The following CRIM1 variants were observed in gnomAD, a reference collection of about 807,000 sequenced individuals.
CRIM1 encodes cysteine rich transmembrane BMP regulator 1.
A neutral mutation model predicts 116.4 loss-of-function variants in CRIM1; 32 were observed. The ratio of observed to expected loss-of-function variants is 0.27; its 90% confidence interval spans 0.21 to 0.37. The LOEUF (loss-of-function observed/expected upper bound fraction) is 0.37. Ranked by LOEUF, CRIM1 falls within the 10% of genes least tolerant of loss-of-function variation. CRIM1 has a pLI of 1.00. For synonymous variants in CRIM1, 590 were observed against 509.2 expected, an observed-to-expected ratio of 1.16 and a Z score of -2.13; for missense variants, 1,331 against 1,354.8, an observed-to-expected ratio of 0.98 and a Z score of 0.28.
intron 13 of CRIM1, among the ~76,000 whole-genome samples, chr2:36,529,902 T>C (rs1302065543): frequency 1.3e-5 from 2 of 152,202 alleles, no homozygotes; most frequent in Non-Finnish European, 2.9e-5. Flanking sequence ...AATGGAATTC[T>C]AAGAAAAGCC....
intron 4 of CRIM1, among the ~76,000 whole-genome samples, chr2:36,450,028 T>G (rs1322330738): frequency 6.6e-6 from 1 of 152,218 alleles, no homozygotes; most frequent in African/African-American, 2.4e-5. Flanking sequence ...TAGTTGACTA[T>G]TGTTAGTTAA....
chr2:36,369,407 C>G (rs555067278), intron 1 of CRIM1, among the ~76,000 whole-genome samples: 91 of 152,330 alleles, frequency 6.0e-4, no homozygotes, highest in African/African-American at 2.1e-3. Context: ...CCTCCATGTT[C>G]TTTCCAGCAA....
chr2:36,530,776 C>T (rs1666058619), intron 13 of CRIM1, among the ~76,000 whole-genome samples: 1 of 152,090 alleles, frequency 6.6e-6, no homozygotes, highest in African/African-American at 2.4e-5. Flanking sequence ...TCTGTAAATC[C>T]CTCAAACCTC....
chr2:36,460,235 C>T (rs1339532774), intron 4 of CRIM1, among the ~76,000 whole-genome samples: 1 of 152,160 alleles, frequency 6.6e-6, no homozygotes, highest in Admixed American at 6.5e-5. Context: ...CTTTATTTTT[C>T]TGGTTACTTG....
chr2:36,362,311 G>GA, intron 1 of CRIM1, among the ~76,000 whole-genome samples: 2 of 152,310 alleles, frequency 1.3e-5, no homozygotes, highest in East Asian at 3.9e-4. Context: ...TGGCAAAGCA[G>GA]AAAGGGGAAT....
intron 11 of CRIM1, among the ~76,000 whole-genome samples, chr2:36,515,367 G>A (rs1005015584): frequency 6.6e-6 from 1 of 152,210 alleles, no homozygotes; most frequent in African/African-American, 2.4e-5. Context: ...ATACCTTACT[G>A]TGGGTGTGTC....
intron 14 of CRIM1, among the ~76,000 whole-genome samples, chr2:36,538,744 A>G (rs957136989): frequency 6.6e-6 from 1 of 152,178 alleles, no homozygotes; most frequent in Non-Finnish European, 1.5e-5. Flanking sequence ...GGTTCTCTTT[A>G]TAGTTTTCCA....
chr2:36,545,824 G>A (rs1277676066), intron 15 of CRIM1, among the ~76,000 whole-genome samples: 3 of 151,938 alleles, frequency 2.0e-5, no homozygotes, highest in African/African-American at 7.3e-5. Flanking sequence ...TTGGAATATG[G>A]GAAAGTAAAA....
chr2:36,467,603 A>T (rs1389037259), intron 5 of CRIM1, among the ~76,000 whole-genome samples: 2 of 152,202 alleles, frequency 1.3e-5, no homozygotes, highest in African/African-American at 4.8e-5. Context: ...TACAGTGAGA[A>T]CAGATTCTAT....
intron 1 of CRIM1, among the ~76,000 whole-genome samples, chr2:36,393,648 C>T (rs1207914694): frequency 6.6e-6 from 1 of 152,156 alleles, no homozygotes; most frequent in African/African-American, 2.4e-5. Flanking sequence ...GCTTATTCTC[C>T]TGGGGCAGGT....
intron 13 of CRIM1, among the ~76,000 whole-genome samples, chr2:36,537,012 G>A (rs1390089824): frequency 6.6e-6 from 1 of 152,096 alleles, no homozygotes; most frequent in East Asian, 1.9e-4. Flanking sequence ...TTACAAAACA[G>A]GAACTTCTTG....
intron 5 of CRIM1, among the ~76,000 whole-genome samples, chr2:36,470,413 CAA>C (rs779693562): frequency 2.0e-5 from 3 of 152,256 alleles, no homozygotes; most frequent in Non-Finnish European, 2.9e-5. Context: ...ACTTTCATAA[CAA>C]GAGAGAAGCA....
chr2:36,471,574 T>C (rs140920818), intron 5 of CRIM1, among the ~76,000 whole-genome samples: 1 of 152,298 alleles, frequency 6.6e-6, no homozygotes, highest in African/African-American at 2.4e-5. Flanking sequence ...TTAAGGAATG[T>C]ATATTGTTTT....
chr2:36,418,750 A>G (rs552621594), intron 2 of CRIM1, among the ~76,000 whole-genome samples: 1 of 145,930 alleles, frequency 6.9e-6, no homozygotes, highest in South Asian at 2.2e-4. Context: ...GCAGGGTCAG[A>G]TGACTGAGGT....
chr2:36,448,465 T>C (rs1029211587), intron 4 of CRIM1, among the ~76,000 whole-genome samples: 4 of 152,204 alleles, frequency 2.6e-5, no homozygotes, highest in African/African-American at 9.7e-5. Context: ...TGGACCTAAT[T>C]TTACAGACTC....
chr2:36,476,997 T>G lies in CRIM1; in HGVS notation c.1100T>G (p.Phe367Cys), dbSNP rs1679031649. ...TGCCAAGGGGGCGTTGCCATCTGCT[T>G]CACCGCCCAGTGTGGTGAGATAAAC... is the stretch of plus-strand genomic sequence containing the variant. ...CRCQGGVAIC[F>C]TAQCGEINCE... is the part of the protein sequence containing the mutation. The change falls in exon 6 of 17, where the codon TTC (phenylalanine) becomes TGC (cysteine). Residue 367 changes from phenylalanine to cysteine, a missense_variant. Around this residue, in one of 3 missense-constraint regions of CRIM1, gnomAD observed 690 missense variants for 676.0 expected, o/e 1.02. Transcript: ENST00000280527. The G allele has an allele frequency of 6.2e-7, 1 of 1,614,136 alleles. No individual in the cohort carries two copies.
chr2:36,535,029 C>G (rs1475997382), intron 13 of CRIM1, among the ~76,000 whole-genome samples: 4 of 151,144 alleles, frequency 2.6e-5, no homozygotes, highest in African/African-American at 9.7e-5. Flanking sequence ...AATGCAGTGT[C>G]CAGGCTCAGT....
chr2:36,398,074 A>G (rs1672156835), intron 2 of CRIM1, among the ~76,000 whole-genome samples: 1 of 152,188 alleles, frequency 6.6e-6, no homozygotes, highest in Non-Finnish European at 1.5e-5. Flanking sequence ...TATTTTGCCA[A>G]CTTCAGTATG....
intron 4 of CRIM1, among the ~76,000 whole-genome samples, chr2:36,455,097 G>A (rs901809454): frequency 6.6e-6 from 1 of 152,148 alleles, no homozygotes; most frequent in Non-Finnish European, 1.5e-5. Flanking sequence ...GGTAGAGCAT[G>A]GGCCAGGGAG....
Sources: allele counts gnomAD v4.1 joint callset (sites outside exome capture counted in the v4.1 genomes callset), GRCh38; gene constraint gnomAD v4.1.1; regional missense constraint gnomAD v4.1.1; transcripts MANE v1.5; gene names NCBI Gene and HGNC (gene_info 2026-07-23, HGNC 2026-07-21).